The following MRPL58 variants were observed in gnomAD, a reference collection of about 807,000 sequenced individuals.
The protein encoded by MRPL58 is mitochondrial ribosomal protein L58, also known as large ribosomal subunit protein mL62.
In MRPL58, 17 loss-of-function variants were observed where a neutral mutation model predicts 26.0. The observed-to-expected ratio is 0.65, with a 90% CI of 0.45 to 0.98. The LOEUF (loss-of-function observed/expected upper bound fraction) is 0.98. Ranked by LOEUF, MRPL58 falls within the 50% of genes least tolerant of loss-of-function variation. MRPL58 has a pLI of 0.00. For missense variants in MRPL58, 250 were observed against 269.0 expected, an observed-to-expected ratio of 0.93 and a Z score of 0.49; for synonymous variants, 100 against 99.7, an observed-to-expected ratio of 1.00 and a Z score of -0.02.
chr17:75,019,675 G>T (rs760100812), intron 2 of MRPL58, 25 bp from the exon 3 acceptor site: 5 of 1,607,268 alleles, frequency 3.1e-6, no homozygotes, highest in Non-Finnish European at 2.6e-6. Context: ...TCAGTTTTGT[G>T]TGTGTACTTT....
At chr17:75,017,269 C>T (rs967542142) in intron 2 of MRPL58, among the ~76,000 whole-genome samples, 155 bp downstream of exon 2, 4 of 151,136 alleles carry the variant, frequency 2.6e-5, no homozygotes, top group Non-Finnish European at 4.4e-5. Context: ...CCAGCCTGGG[C>T]AACGAGAGCA....
intron 3 of MRPL58, 112 bp downstream of exon 3, chr17:75,019,871 T>A: frequency 1.4e-6 from 1 of 723,310 alleles, no homozygotes; most frequent in Non-Finnish European, 2.3e-6. Flanking sequence ...GCAGAAGCTT[T>A]AATACTGCCA....
intron 5 of MRPL58, 63 bp downstream of exon 5, chr17:75,020,720 A>C: frequency 6.5e-7 from 1 of 1,542,416 alleles, no homozygotes; most frequent in Admixed American, 1.7e-5. Flanking sequence ...TACACAGGTA[A>C]GGAAGGGGCA....
intron 3 of MRPL58, 102 bp from the exon 4 acceptor site, chr17:75,020,211 T>C (rs1362173198): frequency 2.2e-6 from 2 of 889,676 alleles, no homozygotes; most frequent in East Asian, 4.9e-5. Flanking sequence ...CATGGTTAGG[T>C]GTCTGGCCTC....
chr17:75,016,128 G>A (rs1299534356), intron 1 of MRPL58, among the ~76,000 whole-genome samples: 1 of 151,736 alleles, frequency 6.6e-6, no homozygotes, highest in South Asian at 2.1e-4. Context: ...GACAGGCTGG[G>A]CGTGGTGGCT....
In MRPL58 at chr17:75,012,670, A is replaced by C. The variant is rs1478142614; in HGVS notation, c.-17A>C. On this transcript the variant is annotated 5_prime_UTR_variant, in exon 1 of 6. Coordinates refer to ENST00000301585, the MANE Select transcript of MRPL58 (RefSeq NM_001545.3). Reference sequence around the variant, plus strand: ...CGGGGAGGAAGCGCCCGCCGGAAGCAGTCGCAAGACCTGAGCATGGCGGCC... The same window carrying C: ...CGGGGAGGAAGCGCCCGCCGGAAGCCGTCGCAAGACCTGAGCATGGCGGCC... 1 of 1,509,426 alleles carries C rather than the reference A, an allele frequency of 6.6e-7. No homozygotes were observed. Among genetic ancestry groups the C allele is most frequent in the Admixed American group, 2.2e-5 (1 of 44,504 alleles). 93.5% of individuals were successfully genotyped at this position (1,509,426 alleles called of 1,614,324 possible). A position where few individuals can be genotyped will look rare whatever the true frequency, so the allele number is the denominator to read the frequency against.
chr17:75,015,647 A>C lies in MRPL58; in HGVS notation c.187-1431A>C, dbSNP rs140204808. On this transcript the variant is annotated intron_variant, in intron 1 of 5. Transcript: ENST00000301585. ...AAGAGTCCTAGGAAGGTAAGAGGAA[A>C]ATTTCAGAAGGAACAGAAGGAACAT... Among the ~76,000 whole-genome samples the C allele has an allele frequency of 3.3e-5, 5 of 152,290 alleles. No homozygotes were observed. In the East Asian group the frequency reaches 9.6e-4, roughly 29 times the overall value.
chr17:75,014,121 A>G (rs975669058), intron 1 of MRPL58, among the ~76,000 whole-genome samples: 3 of 148,428 alleles, frequency 2.0e-5, no homozygotes, highest in African/African-American at 4.9e-5. Flanking sequence ...AGCCTGCAAG[A>G]TTTGCTAATT....
intron 2 of MRPL58, among the ~76,000 whole-genome samples, chr17:75,019,153 G>A (rs1053462059): frequency 1.3e-5 from 2 of 151,164 alleles, no homozygotes; most frequent in East Asian, 3.9e-4. Flanking sequence ...ATGAAGCTGT[G>A]CCCTAAGGGG....
chr17:75,013,228 T>C (rs1301949920), intron 1 of MRPL58, among the ~76,000 whole-genome samples: 2 of 152,204 alleles, frequency 1.3e-5, no homozygotes, highest in East Asian at 1.9e-4. Context: ...TGCTACCCTT[T>C]GGGACGTTAC....
chr17:75,016,636 AG>A (rs1441686643), intron 1 of MRPL58, among the ~76,000 whole-genome samples: 2 of 150,658 alleles, frequency 1.3e-5, no homozygotes, highest in East Asian at 3.8e-4. Flanking sequence ...AGAAACCCTC[AG>A]GGTGCAATTA....
In MRPL58 at chr17:75,012,871, C is replaced by T. The variant is rs1333725140; in HGVS notation, c.185C>T (p.Pro62Leu). The T allele has an allele frequency of 1.2e-6, 2 of 1,605,470 alleles. No individual in the cohort carries two copies. Among genetic ancestry groups the T allele is most frequent in the African/African-American group, 1.4e-5 (1 of 73,712 alleles). ...SQGSDTAWRVPNGAKQADSDI... is the reference protein window; with the variant it reads ...SQGSDTAWRVLNGAKQADSDI... ...GGCTCGGACACCGCCTGGAGGGTCC[C>T]GGTGAGCCGGGAAGGACTGGACGGA... The change falls in exon 1 of 6, where the codon CCG (proline) becomes CTG (leucine). Residue 62 changes from proline (P) to leucine (L), a missense_variant and splice_region_variant. Physicochemically the swap from Pro to Leu is moderately conservative, Grantham distance 98 (BLOSUM62 -3). Coordinates refer to ENST00000301585, the MANE Select transcript of MRPL58 (RefSeq NM_001545.3).
At chr17:75,016,829 C>G (rs1044414132) in intron 1 of MRPL58, among the ~76,000 whole-genome samples, 1 of 152,232 alleles carries the variant, frequency 6.6e-6, no homozygotes, top group African/African-American at 2.4e-5. Flanking sequence ...GTGCCTGACA[C>G]TAGCTAAGGC....
At chr17:75,019,990 C>T (rs2040003284) in intron 3 of MRPL58, among the ~76,000 whole-genome samples, 1 of 151,700 alleles carries the variant, frequency 6.6e-6, no homozygotes. Context: ...AGAGAAATCA[C>T]AGTTGTGAGG....
chr17:75,017,009 T>C (rs1241571743), intron 1 of MRPL58, 69 bp from the exon 2 acceptor site: 1 of 1,117,686 alleles, frequency 8.9e-7, no homozygotes, highest in East Asian at 2.4e-5. Flanking sequence ...CATTTCTTTG[T>C]TGCCTTGAAC....
At chr17:75,020,867 T>G in intron 5 of MRPL58, 54 bp from the exon 6 acceptor site, 1 of 1,463,882 alleles carries the variant, frequency 6.8e-7, no homozygotes, top group Non-Finnish European at 9.6e-7. Flanking sequence ...CTCTCACCAC[T>G]TTGAAAAGCA....
At chr17:75,019,597 T>G in intron 2 of MRPL58, 103 bp from the exon 3 acceptor site, 2 of 1,149,986 alleles carry the variant, frequency 1.7e-6, no homozygotes, top group Middle Eastern at 5.6e-4. Context: ...TTTTTGAAAT[T>G]TTCCCAATAT....
At chr17:75,014,698 C>T (rs886428163) in intron 1 of MRPL58, among the ~76,000 whole-genome samples, 2 of 151,736 alleles carry the variant, frequency 1.3e-5, no homozygotes, top group African/African-American at 4.8e-5. Flanking sequence ...CTGCTCGCCT[C>T]AGCCTCCCAA....
At chr17:75,016,351 G>C (rs1050694990) in intron 1 of MRPL58, among the ~76,000 whole-genome samples, 1 of 152,082 alleles carries the variant, frequency 6.6e-6, no homozygotes, top group Non-Finnish European at 1.5e-5. Context: ...AAGAGGCGGA[G>C]GTTGCAGTGA....
Sources: gnomAD v4.1 joint callset for allele counts (sites outside exome capture counted in the v4.1 genomes callset) on GRCh38, gnomAD v4.1.1 for gene constraint, MANE v1.5 for transcripts, NCBI Gene and HGNC (gene_info 2026-07-23, HGNC 2026-07-21) for gene names.